RNF169: variants seen among roughly 807,000 people sequenced by gnomAD.
The protein encoded by RNF169 is ring finger protein 169, also known as E3 ubiquitin-protein ligase RNF169.
A neutral mutation model predicts 53.9 loss-of-function variants in RNF169; 24 were observed. That is an observed-to-expected ratio of 0.45 (90% CI 0.32 to 0.63). The LOEUF is 0.63. RNF169 is among the 20% of genes least tolerant of loss of function. The pLI, the probability that RNF169 is intolerant of heterozygous loss-of-function variation, is 0.04. For synonymous variants in RNF169, 396 were observed against 363.5 expected, an observed-to-expected ratio of 1.09 and a Z score of -1.02; for missense variants, 883 against 906.2, an observed-to-expected ratio of 0.97 and a Z score of 0.33.
At chr11:74,779,678 A>C (rs1254622419) in intron 1 of RNF169, among the ~76,000 whole-genome samples, 1 of 152,164 alleles carries the variant, frequency 6.6e-6, no homozygotes, top group African/African-American at 2.4e-5. Context: ...TCTCAAAAAA[A>C]AGTTATTTAC....
rs1448775176 is a variant in RNF169 at position 74,836,540 on chromosome 11, A to G, written c.1937A>G (p.Glu646Gly). ...AAAAAACTGCGACAAACCAGTGGGG[A>G]GGTGGGTCTGGCCCCAACAGACCCA... ...SLKKLRQTSG[E>G]VGLAPTDPVL... Residue 646 changes from glutamate to glycine, a missense_variant, in exon 6 of 6, where the codon GAG (glutamate) becomes GGG (glycine). By Grantham distance (98) the Glu-to-Gly change is moderately conservative. Around this residue, in one of 3 missense-constraint regions of RNF169, gnomAD observed 351 missense variants for 337.3 expected, o/e 1.04. Coordinates refer to ENST00000299563, the MANE Select transcript of RNF169 (RefSeq NM_001098638.2). 1.1e-5 allele frequency: 18 copies of G among 1,614,028 alleles called. No individual in the cohort carries two copies. Among genetic ancestry groups the G allele is most frequent in the Non-Finnish European group, 1.5e-5 (18 of 1,180,038 alleles).
intron 2 of RNF169, among the ~76,000 whole-genome samples, chr11:74,796,852 T>C (rs1247983440): frequency 6.6e-6 from 1 of 152,240 alleles, no homozygotes; most frequent in Non-Finnish European, 1.5e-5. Context: ...TCCGTTCTGG[T>C]TCTCTTTTTA....
At chr11:74,821,385 G>A (rs1362540861) in intron 4 of RNF169, among the ~76,000 whole-genome samples, 1 of 69,048 alleles carries the variant, frequency 1.4e-5, no homozygotes, top group Non-Finnish European at 2.4e-5. Flanking sequence ...CGGGCCGGGC[G>A]CGGTGGCTCA....
chr11:74,802,421 G>A (rs193175040), intron 2 of RNF169, among the ~76,000 whole-genome samples: 10 of 152,294 alleles, frequency 6.6e-5, no homozygotes, highest in African/African-American at 2.2e-4. Context: ...CGAGGCAAGC[G>A]GATCACCTGA....
chr11:74,822,455 G>C (rs1301747455), intron 4 of RNF169, among the ~76,000 whole-genome samples: 1 of 152,122 alleles, frequency 6.6e-6, no homozygotes, highest in Non-Finnish European at 1.5e-5. Flanking sequence ...TAAGCAAGTT[G>C]CTTTTCAGAC....
intron 1 of RNF169, among the ~76,000 whole-genome samples, chr11:74,751,102 G>T (rs1400281549): frequency 6.6e-6 from 1 of 151,780 alleles, no homozygotes; most frequent in Non-Finnish European, 1.5e-5. Flanking sequence ...AACCCCTGGC[G>T]TCAAGTGATC....
rs2036265778 is a variant in RNF169 at position 74,836,882 on chromosome 11, A to G, written c.*152A>G. ...TCCAGGGCCTTTGTAGTCAATATCC[A>G]AGGGAAAAGCATCTCCGTTTCTCTG... is the stretch of plus-strand genomic sequence containing the variant. On this transcript the variant is annotated 3_prime_UTR_variant, in exon 6 of 6. Coordinates refer to ENST00000299563, the MANE Select transcript of RNF169 (RefSeq NM_001098638.2). 3.2e-6 allele frequency: 2 copies of G among 631,972 alleles called. No homozygotes were observed. Among genetic ancestry groups the G allele is most frequent in the Non-Finnish European group, 2.7e-6 (1 of 376,830 alleles). 39.1% of individuals were successfully genotyped at this position (631,972 alleles called of 1,614,324 possible).
chr11:74,834,604 T>C (rs1202346386), intron 4 of RNF169, 72 bp from the exon 5 acceptor site: 2 of 1,058,628 alleles, frequency 1.9e-6, no homozygotes, highest in Non-Finnish European at 1.4e-6. Context: ...AGCAAAAAGA[T>C]ATTGTCATCC....
intron 1 of RNF169, among the ~76,000 whole-genome samples, chr11:74,754,750 G>A (rs1289693819): frequency 6.6e-6 from 1 of 152,198 alleles, no homozygotes; most frequent in African/African-American, 2.4e-5. Context: ...AACCCGGGAG[G>A]TAGAGGTTGC....
In RNF169 at chr11:74,789,681, A is replaced by G; in HGVS notation, c.558A>G (p.Glu186=). ...GCAAGCCTGGGGAACTTCGTGAGGAATATGAAAGCTTGAGAAAGGTATAGT... is the reference window on the plus strand; with the variant it reads ...GCAAGCCTGGGGAACTTCGTGAGGAGTATGAAAGCTTGAGAAAGGTATAGT... ...KLSKPGELRE[E]YESLRKLREE... The change falls in exon 2 of 6, where the codon GAA becomes GAG. Residue 186 remains glutamate, a synonymous_variant. Coordinates refer to ENST00000299563, the MANE Select transcript of RNF169 (RefSeq NM_001098638.2). The G allele has an allele frequency of 6.2e-7, 1 of 1,601,188 alleles. No individual in the cohort carries two copies. The highest frequency in any genetic ancestry group is 8.6e-7 in the Non-Finnish European group (1 of 1,168,580).
At chr11:74,811,273 G>T (rs1293931961) in intron 3 of RNF169, among the ~76,000 whole-genome samples, 3 of 152,130 alleles carry the variant, frequency 2.0e-5, no homozygotes, top group African/African-American at 7.2e-5. Flanking sequence ...GCAGGGTCTT[G>T]CTTTGTTGCC....
intron 2 of RNF169, among the ~76,000 whole-genome samples, chr11:74,798,513 T>C (rs918381016): frequency 1.3e-5 from 2 of 152,208 alleles, no homozygotes; most frequent in Admixed American, 6.5e-5. Flanking sequence ...ATGTTATCAA[T>C]GACAGTGGTA....
chr11:74,786,850 A>G (rs1038065844), intron 1 of RNF169, among the ~76,000 whole-genome samples: 3 of 152,240 alleles, frequency 2.0e-5, no homozygotes, highest in Non-Finnish European at 4.4e-5. Context: ...TACTGTGTAA[A>G]AAATGAAAAT....
rs1433904647 is a variant in RNF169 at position 74,841,378 on chromosome 11, A to G, written c.*4648A>G. ...GATGATCTAGGAAATGCATCTTTAT[A>G]CATGATTGTTAGCTGCTGTAGCTTT... On this transcript the variant is annotated 3_prime_UTR_variant, in exon 6 of 6. Coordinates refer to ENST00000299563, the MANE Select transcript of RNF169 (RefSeq NM_001098638.2). 2.6e-5 allele frequency: 4 copies of G among 152,230 alleles called. No individual in the cohort carries two copies. The East Asian group carries it at 7.7e-4, about 29-fold the overall frequency. 9.4% of individuals were successfully genotyped at this position (152,230 alleles called of 1,614,324 possible). A position where few individuals can be genotyped will look rare whatever the true frequency, so the allele number is the denominator to read the frequency against.
In RNF169 at chr11:74,841,459, G is replaced by C. The variant is rs1488243176; in HGVS notation, c.*4729G>C. The C allele has an allele frequency of 6.6e-6, 1 of 152,172 alleles. No individual in the cohort carries two copies. The highest frequency in any genetic ancestry group is 2.4e-5 in the African/African-American group (1 of 41,446). The allele number at this position is 152,172 out of a possible 1,614,324, so 9.4% of individuals were successfully genotyped here. On this transcript the variant is annotated 3_prime_UTR_variant, in exon 6 of 6. Transcript: ENST00000299563. ...TATATGCAAGGGTCACCAGTTTAGA[G>C]ATCAGTCAAATTGGAAAAAGTGCCA...
intron 4 of RNF169, among the ~76,000 whole-genome samples, chr11:74,821,048 A>T (rs561589): frequency 0.66 from 101,090 of 152,124 alleles, 34,606 homozygotes; most frequent in African/African-American, 0.82. Flanking sequence ...AGTACAGAGA[A>T]GGAATTGGAA....
rs561891285 is a variant in RNF169 at position 74,835,802 on chromosome 11, G to A, written c.1199G>A (p.Arg400His). The change falls in exon 6 of 6, where the codon CGT becomes CAT. Residue 400 changes from arginine to histidine, a missense_variant. By Grantham distance (29) the Arg-to-His change is conservative. Coordinates refer to ENST00000299563, the MANE Select transcript of RNF169 (RefSeq NM_001098638.2). ...CCTCCCAAGAGACTCCCTGATGGCC[G>A]TGTGCTAAGTCCTCTCATCATCAAA... ...CTPPKRLPDG[R>H]VLSPLIIKST... 2.2e-5 allele frequency: 36 copies of A among 1,614,148 alleles called. No homozygotes were observed. The South Asian group carries it at 2.6e-4, about 12-fold the overall frequency.
chr11:74,762,886 T>A (rs1485054910), intron 1 of RNF169, among the ~76,000 whole-genome samples: 1 of 151,716 alleles, frequency 6.6e-6, no homozygotes, highest in Non-Finnish European at 1.5e-5. Flanking sequence ...GAGTGAGGAG[T>A]GTAGAGATGG....
chr11:74,815,646 A>G (rs903680659), intron 3 of RNF169, among the ~76,000 whole-genome samples: 4 of 152,184 alleles, frequency 2.6e-5, no homozygotes, highest in African/African-American at 7.2e-5. Context: ...AATAAAATCT[A>G]TCTTTTTGAG....
Sources: allele counts gnomAD v4.1 joint callset (sites outside exome capture counted in the v4.1 genomes callset), GRCh38; gene constraint gnomAD v4.1.1; regional missense constraint gnomAD v4.1.1; transcripts MANE v1.5; gene names NCBI Gene and HGNC (gene_info 2026-07-23, HGNC 2026-07-21).